CCSER1: variants seen among roughly 807,000 people sequenced by gnomAD.
CCSER1 encodes the protein serine-rich coiled-coil domain-containing protein 1.
In CCSER1, 41 loss-of-function variants were observed where a neutral mutation model predicts 82.0. The ratio of observed to expected loss-of-function variants is 0.50; its 90% CI spans 0.39 to 0.65. CCSER1 has a LOEUF of 0.65. Among genes scored for constraint, CCSER1 ranks in the 30% least tolerant of loss-of-function variants. The probability of loss-of-function intolerance (pLI) is 0.00; values close to 1 mark genes in which losing one functional copy is unlikely to be tolerated. For synonymous variants in CCSER1, 414 were observed against 383.9 expected (o/e 1.08, Z -0.92); for missense variants, 1,119 against 1,064.2 (o/e 1.05, Z -0.72).
intron 3 of CCSER1, among the ~76,000 whole-genome samples, chr4:90,330,360 T>A (rs1471465505): frequency 6.6e-6 from 1 of 152,174 alleles, no homozygotes; most frequent in Non-Finnish European, 1.5e-5. Flanking sequence ...AGATTTATGT[T>A]CCAAAGTGTG....
intron 9 of CCSER1, among the ~76,000 whole-genome samples, chr4:91,008,037 T>C (rs1353706137): frequency 6.6e-6 from 1 of 152,182 alleles, no homozygotes; most frequent in Non-Finnish European, 1.5e-5. Context: ...TCCATGTGTT[T>C]GTATAGTTTC....
chr4:90,249,122 A>G (rs981658031), intron 1 of CCSER1, among the ~76,000 whole-genome samples: 1 of 152,110 alleles, frequency 6.6e-6, no homozygotes, highest in African/African-American at 2.4e-5. Flanking sequence ...TTAATTCCTC[A>G]AATAGTACTG....
chr4:91,459,474 T>C (rs1488611611), intron 10 of CCSER1, among the ~76,000 whole-genome samples: 1 of 152,146 alleles, frequency 6.6e-6, no homozygotes, highest in African/African-American at 2.4e-5. Context: ...ATTTCAGGTA[T>C]GTGAAGACTG....
chr4:90,227,931 G>A (rs543984601), intron 1 of CCSER1, among the ~76,000 whole-genome samples: 89 of 152,298 alleles, frequency 5.8e-4, no homozygotes, highest in African/African-American at 2.0e-3. Context: ...AAAAAACGCC[G>A]CACCAGGAGA....
intron 5 of CCSER1, among the ~76,000 whole-genome samples, chr4:90,584,468 A>C (rs1781768029): frequency 6.6e-6 from 1 of 152,046 alleles, no homozygotes; most frequent in African/African-American, 2.4e-5. Context: ...CTCTTTAGAA[A>C]CTCCAGAAGA....
chr4:90,342,834 A>G (rs72881647), intron 3 of CCSER1, among the ~76,000 whole-genome samples: 2,941 of 152,006 alleles, frequency 0.019, 69 homozygotes, highest in African/African-American at 0.06. Flanking sequence ...GTCATGTTAT[A>G]TTGCTGATTA....
At chr4:90,717,224 CAG>C (rs1741788583) in intron 6 of CCSER1, among the ~76,000 whole-genome samples, 1 of 152,068 alleles carries the variant, frequency 6.6e-6, no homozygotes, top group African/African-American at 2.4e-5. Context: ...TTTGGACCAG[CAG>C]TATTCAAAGC....
chr4:90,663,737 CAGTT>C (rs1444439501), intron 6 of CCSER1: 3 of 159,582 alleles, frequency 1.9e-5, no homozygotes, highest in Non-Finnish European at 2.8e-5. Context: ...ATATGTTTGC[CAGTT>C]ATGTTATTTC....
At chr4:91,200,293 A>C (rs537470036) in intron 10 of CCSER1, among the ~76,000 whole-genome samples, 3 of 152,054 alleles carry the variant, frequency 2.0e-5, no homozygotes, top group African/African-American at 7.2e-5. Context: ...TGTTACCACA[A>C]ATTTTTTTTG....
intron 9 of CCSER1, among the ~76,000 whole-genome samples, chr4:90,981,147 A>C (rs1269390176): frequency 6.6e-6 from 1 of 151,798 alleles, no homozygotes; most frequent in Non-Finnish European, 1.5e-5. Flanking sequence ...CTGCAATGAT[A>C]CTTAGAGTTT....
chr4:90,987,646 G>T (rs1736681646), intron 9 of CCSER1, among the ~76,000 whole-genome samples: 1 of 151,612 alleles, frequency 6.6e-6, no homozygotes, highest in Non-Finnish European at 1.5e-5. Context: ...AATTCAACTT[G>T]TGTTTTTTCT....
Position 90,292,104 on chromosome 4 carries a change from C to A in CCSER1, c.-41-16140C>A, listed in dbSNP as rs1343382540. Among the ~76,000 whole-genome samples the A allele has an allele frequency of 2.0e-5, 3 of 151,998 alleles. No homozygotes were observed. The East Asian group carries it at 5.8e-4, about 30-fold the overall frequency. On this transcript the variant is annotated intron_variant, in intron 1 of 10. Coordinates refer to ENST00000509176, the MANE Select transcript of CCSER1 (RefSeq NM_001145065.2). Reference sequence around the variant, plus strand: ...GGAAGGCAAACTTGTCATCACATTTCTAATTTTATCATATACCAGACATAC... The same window carrying A: ...GGAAGGCAAACTTGTCATCACATTTATAATTTTATCATATACCAGACATAC...
intron 10 of CCSER1, among the ~76,000 whole-genome samples, chr4:91,511,751 G>C (rs927949078): frequency 2.0e-5 from 3 of 152,142 alleles, no homozygotes; most frequent in African/African-American, 7.2e-5. Context: ...ATCACTCCCA[G>C]ATGGGACCTC....
chr4:91,203,646 T>C (rs530009648), intron 10 of CCSER1, among the ~76,000 whole-genome samples: 3 of 92,250 alleles, frequency 3.3e-5, no homozygotes, highest in African/African-American at 4.6e-5. Flanking sequence ...ATATATACTA[T>C]GTTAAAAAAA....
At chr4:91,160,159 CGTT>C (rs1476157879) in intron 10 of CCSER1, among the ~76,000 whole-genome samples, 3 of 151,516 alleles carry the variant, frequency 2.0e-5, no homozygotes, top group African/African-American at 7.3e-5. Flanking sequence ...GGTTTTCTGT[CGTT>C]GTGACAGTTT....
chr4:91,061,487 A>T (rs1743948573), intron 9 of CCSER1, among the ~76,000 whole-genome samples: 1 of 151,976 alleles, frequency 6.6e-6, no homozygotes, highest in Non-Finnish European at 1.5e-5. Context: ...CTGGCTTTAG[A>T]GTTCTTTGAA....
chr4:90,415,543 T>C (rs972901942), intron 4 of CCSER1, among the ~76,000 whole-genome samples: 2 of 152,236 alleles, frequency 1.3e-5, no homozygotes, highest in African/African-American at 4.8e-5. Context: ...TATTTCCTGA[T>C]GAATCCTCTG....
At chr4:90,967,451 A>AG (rs1734679854) in intron 9 of CCSER1, among the ~76,000 whole-genome samples, 1 of 151,924 alleles carries the variant, frequency 6.6e-6, no homozygotes, top group African/African-American at 2.4e-5. Context: ...TTTGTCTCAA[A>AG]GAAAAAAAAA....
intron 5 of CCSER1, among the ~76,000 whole-genome samples, chr4:90,480,170 GTCT>G (rs1393660132): frequency 1.3e-5 from 2 of 152,152 alleles, no homozygotes; most frequent in Admixed American, 1.3e-4. Flanking sequence ...CTGCATAAAT[GTCT>G]TCTTTTAAGA....
Sources: allele counts gnomAD v4.1 joint callset (sites outside exome capture counted in the v4.1 genomes callset), GRCh38; gene constraint gnomAD v4.1.1; transcripts MANE v1.5; gene names NCBI Gene and HGNC (gene_info 2026-07-23, HGNC 2026-07-21).